The following VSIG10L2 variants were observed in gnomAD, a reference collection of about 807,000 sequenced individuals.
VSIG10L2 encodes the protein V-set and immunoglobulin domain containing 10 like 2.
Under a neutral mutation model 67.1 loss-of-function variants are expected in VSIG10L2, and 56 were observed. That is an observed-to-expected ratio of 0.83 (90% CI 0.67 to 1.04). VSIG10L2 has a LOEUF of 1.04. Ranked by LOEUF, VSIG10L2 falls within the 50% of genes least tolerant of loss-of-function variation. The pLI, the probability that VSIG10L2 is intolerant of heterozygous loss-of-function variation, is 0.00. For synonymous variants in VSIG10L2, 360 were observed against 396.6 expected, an observed-to-expected ratio of 0.91 and a Z score of 1.10; for missense variants, 843 against 932.8, an observed-to-expected ratio of 0.90 and a Z score of 1.25.
In VSIG10L2 at chr11:125,956,226, G is replaced by A. The variant is rs895002486; in HGVS notation, c.*312G>A. The A allele has an allele frequency of 1.3e-5, 7 of 540,292 alleles. No homozygotes were observed. Among genetic ancestry groups the A allele is most frequent in the African/African-American group, 1.1e-4 (6 of 53,158 alleles). 33.5% of individuals were successfully genotyped at this position (540,292 alleles called of 1,614,324 possible). A position where few individuals can be genotyped will look rare whatever the true frequency, so the allele number is the denominator to read the frequency against. On this transcript the variant is annotated 3_prime_UTR_variant, in exon 12 of 12. Coordinates refer to ENST00000686984, the MANE Select transcript of VSIG10L2 (RefSeq NM_001365077.2). Reference sequence around the variant, plus strand: ...GCCATGGTACTGGGAAGGATCTGTGGTGCTATAGAAGTATGAGCAAGCTAG... The same window carrying A: ...GCCATGGTACTGGGAAGGATCTGTGATGCTATAGAAGTATGAGCAAGCTAG...
chr11:125,954,657 G>T (rs960147586), intron 8 of VSIG10L2, among the ~76,000 whole-genome samples: 5 of 152,144 alleles, frequency 3.3e-5, no homozygotes, highest in Non-Finnish European at 5.9e-5. Context: ...AAAGGTGCTG[G>T]TGACTAAGAA....
At position 125,946,252 on chromosome 11, in the gene VSIG10L2, T is replaced by C. The variant is rs1310586481; in HGVS notation, c.82+115T>C. 3.8e-5 allele frequency: 15 copies of C among 397,272 alleles called. No individual in the cohort carries two copies. In the East Asian group the frequency reaches 5.4e-4, roughly 14 times the overall value. The allele number at this position is 397,272 out of a possible 1,614,324, so 24.6% of individuals were successfully genotyped here. On this transcript the variant is annotated intron_variant, in intron 1 of 11. Coordinates refer to ENST00000686984, the MANE Select transcript of VSIG10L2 (RefSeq NM_001365077.2). This position sits in a 1 kb window ranked among gnomAD's most constrained non-coding sequence, Gnocchi z 4.4. ...CCATTCCATGAAGTCCGTTCAGTCA[T>C]TCATCGGCTAGACATTTAACTAGCG...
At chr11:125,953,774 CA>C (rs1172556213) in intron 7 of VSIG10L2, 84 bp downstream of exon 7, 1 of 1,199,132 alleles carries the variant, frequency 8.3e-7, no homozygotes. Flanking sequence ...TGGAAAGGCA[CA>C]AGGATTCCCT....
At chr11:125,954,545 A>C (rs1945425067) in intron 8 of VSIG10L2, among the ~76,000 whole-genome samples, 162 bp downstream of exon 8, 1 of 151,876 alleles carries the variant, frequency 6.6e-6, no homozygotes, top group African/African-American at 2.4e-5. Context: ...CTCCCCTCAG[A>C]TAATCTCCAC....
rs184435677 is a variant in VSIG10L2 at position 125,955,625 on chromosome 11, C to T, written c.2242C>T (p.His748Tyr). 2 of 1,530,794 alleles carry T rather than the reference C, an allele frequency of 1.3e-6. No homozygotes were observed. The highest frequency in any genetic ancestry group is 1.4e-5 in the African/African-American group (1 of 73,082). 94.8% of individuals were successfully genotyped at this position (1,530,794 alleles called of 1,614,324 possible). Residue 748 changes from histidine (H) to tyrosine (Y), a missense_variant, in exon 11 of 12, where the codon CAC becomes TAC. By Grantham distance (83) the His-to-Tyr change is moderately conservative. Around this residue, in one of 2 missense-constraint regions of VSIG10L2, gnomAD observed 397 missense variants for 384.4 expected, o/e 1.03. Coordinates refer to ENST00000686984, the MANE Select transcript of VSIG10L2 (RefSeq NM_001365077.2). ...GQLLVPTEQR[H>Y]QQRGSREDAE... ...CCACTTCACTCTCAGGGAGCAAAGG[C>T]ACCAACAGAGGGGTTCCAGAGAAGA...
Position 125,955,084 on chromosome 11 carries a change from C to A in VSIG10L2, c.2111C>A (p.Ala704Glu), listed in dbSNP as rs369831682. ...GACCCCCCCTTCAGCGCCTACCCAG[C>A]GGTGTTGGGTGCAGCAGGCACGGGA... Reference protein sequence around the residue: ...PADPPFSAYPAVLGAAGTGMV... With the variant: ...PADPPFSAYPEVLGAAGTGMV... Residue 704 changes from alanine (A) to glutamate (E), a missense_variant, in exon 9 of 12, where the codon GCG becomes GAG. By Grantham distance (107) the Ala-to-Glu change is moderately radical. This residue lies in a region of VSIG10L2 where 397 missense variants were observed against 384.4 expected (regional missense o/e 1.03). Transcript: ENST00000686984. 8.2e-5 allele frequency: 101 copies of A among 1,236,778 alleles called. 1 individual carries two copies. The African/African-American group carries it at 1.4e-3, about 17-fold the overall frequency. 76.6% of individuals were successfully genotyped at this position (1,236,778 alleles called of 1,614,324 possible). A position where few individuals can be genotyped will look rare whatever the true frequency, so the allele number is the denominator to read the frequency against.
intron 2 of VSIG10L2, 66 bp from the exon 3 acceptor site, chr11:125,948,239 G>A (rs1415448161): frequency 8.9e-6 from 11 of 1,231,828 alleles, no homozygotes; most frequent in African/African-American, 4.7e-5. Context: ...GGGTGGGGGC[G>A]CTGGACACAG....
chr11:125,954,946 C>A, intron 8 of VSIG10L2, 111 bp from the exon 9 acceptor site: 1 of 1,128,576 alleles, frequency 8.9e-7, no homozygotes, highest in Non-Finnish European at 1.1e-6. Flanking sequence ...GCAGGGGGAA[C>A]TGGATGAGCA....
Position 125,948,589 on chromosome 11 carries a change from G to A in VSIG10L2, c.709+9G>A. ...CTTCCTGGACGTCATTTGTGAGTCA[G>A]ACTGTGGTGGGGGGGCTGTCAGGGC... On this transcript the variant is annotated intron_variant, in intron 3 of 11. Coordinates refer to ENST00000686984, the MANE Select transcript of VSIG10L2 (RefSeq NM_001365077.2). 1 of 1,232,236 alleles carries A rather than the reference G, an allele frequency of 8.1e-7. No individual in the cohort carries two copies. Among genetic ancestry groups the A allele is most frequent in the Non-Finnish European group, 1.0e-6 (1 of 988,146 alleles). The allele number at this position is 1,232,236 out of a possible 1,614,324, so 76.3% of individuals were successfully genotyped here.
chr11:125,954,069 G>C lies in VSIG10L2; in HGVS notation c.1787-18G>C, dbSNP rs947499978. 2.4e-5 allele frequency: 30 copies of C among 1,232,072 alleles called. No individual in the cohort carries two copies. The African/African-American group carries it at 4.7e-4, about 19-fold the overall frequency. 76.3% of individuals were successfully genotyped at this position (1,232,072 alleles called of 1,614,324 possible). On this transcript the variant is annotated intron_variant, in intron 7 of 11. Coordinates refer to ENST00000686984, the MANE Select transcript of VSIG10L2 (RefSeq NM_001365077.2). The stretch of plus-strand genomic sequence containing the variant: ...TGTAGGTATACATGTCCCTTGTTTT[G>C]TCCCCACCCTCACCCAGGATATCCA...
chr11:125,949,891 G>A, intron 3 of VSIG10L2, 123 bp from the exon 4 acceptor site: 1 of 1,022,388 alleles, frequency 9.8e-7, no homozygotes, highest in Non-Finnish European at 1.3e-6. Flanking sequence ...CCTAGCCTTG[G>A]GGTGGACACG....
intron 1 of VSIG10L2, among the ~76,000 whole-genome samples, chr11:125,947,067 C>T (rs115373160): frequency 1.6e-3 from 242 of 152,224 alleles, no homozygotes; most frequent in African/African-American, 5.5e-3. Context: ...GGGTGGGGGG[C>T]TCATTTGTCC....
Position 125,953,573 on chromosome 11 carries a change from G to T in VSIG10L2, c.1669G>T (p.Ala557Ser). Reference sequence around the variant, plus strand: ...AGGATTCATGCTGCACCCTGAGGGTGCCCAGCTGCGCCTGGGCATCTACGA... The same window carrying T: ...AGGATTCATGCTGCACCCTGAGGGTTCCCAGCTGCGCCTGGGCATCTACGA... Reference protein sequence around the residue: ...TSGFMLHPEGAQLRLGIYDAD... With the variant: ...TSGFMLHPEGSQLRLGIYDAD... The change falls in exon 7 of 12, where the codon GCC becomes TCC. Residue 557 changes from alanine to serine, a missense_variant. Ala to Ser is a moderately conservative substitution (Grantham distance 99). This residue lies in a region of VSIG10L2 where 397 missense variants were observed against 384.4 expected (regional missense o/e 1.03). Coordinates refer to ENST00000686984, the MANE Select transcript of VSIG10L2 (RefSeq NM_001365077.2). The T allele has an allele frequency of 8.1e-7, 1 of 1,232,208 alleles. No homozygotes were observed. The allele number at this position is 1,232,208 out of a possible 1,614,324, so 76.3% of individuals were successfully genotyped here.
In VSIG10L2 at chr11:125,952,012, G is replaced by T. The variant is rs937611449; in HGVS notation, c.1434G>T (p.Glu478Asp). ...LQAQEDLAGREFTCRGTHLLR... is the reference protein window; with the variant it reads ...LQAQEDLAGRDFTCRGTHLLR... ...CCCAAGAAGATCTGGCTGGCAGAGAGTTCACCTGCCGGGGCACTCACCTGC... is the reference window on the plus strand; with the variant it reads ...CCCAAGAAGATCTGGCTGGCAGAGATTTCACCTGCCGGGGCACTCACCTGC... Residue 478 changes from glutamate (E) to aspartate (D), a missense_variant, in exon 6 of 12, where the codon GAG (glutamate) becomes GAT (aspartate). Glu to Asp is a conservative substitution (Grantham distance 45). This residue lies in a region of VSIG10L2 where 397 missense variants were observed against 384.4 expected (regional missense o/e 1.03). Coordinates refer to ENST00000686984, the MANE Select transcript of VSIG10L2 (RefSeq NM_001365077.2). The T allele has an allele frequency of 2.0e-6, 3 of 1,536,038 alleles. No homozygotes were observed. In the Admixed American group the frequency reaches 5.9e-5, roughly 30 times the overall value.
chr11:125,948,519 G>A lies in VSIG10L2; in HGVS notation c.648G>A (p.Met216Ile). ...ACCGGACACACCTAGGGTGGTACAT[G>A]TGCAGCGCCAGCAACTCCGTGAACA... ...PVNRTHLGWY[M>I]CSASNSVNRL... The change falls in exon 3 of 12, where the codon ATG becomes ATA. Residue 216 changes from methionine (M) to isoleucine (I), a missense_variant. By Grantham distance (10) the Met-to-Ile change is conservative. Transcript: ENST00000686984. 1 of 1,232,228 alleles carries A rather than the reference G, an allele frequency of 8.1e-7. No individual in the cohort carries two copies. The highest frequency in any genetic ancestry group is 1.0e-6 in the Non-Finnish European group (1 of 988,014). 76.3% of individuals were successfully genotyped at this position (1,232,228 alleles called of 1,614,324 possible).
rs777833290 is a variant in VSIG10L2, at chr11:125,955,958, G to A, written c.*44G>A. ...CAAATAGGCTTAGGGAGGGCAGGTG[G>A]GATTTGGGAAGAGCCCTTCTGTCAG... On this transcript the variant is annotated 3_prime_UTR_variant, in exon 12 of 12. Transcript: ENST00000686984. 141 of 636,624 alleles carry A rather than the reference G, an allele frequency of 2.2e-4. No individual in the cohort carries two copies. The highest frequency in any genetic ancestry group is 3.6e-4 in the Non-Finnish European group (128 of 355,298). The allele number at this position is 636,624 out of a possible 1,614,324, so 39.4% of individuals were successfully genotyped here.
chr11:125,951,896 G>A lies in VSIG10L2; in HGVS notation c.1318G>A (p.Gly440Ser), dbSNP rs1945378256. The A allele has an allele frequency of 6.5e-6, 10 of 1,535,154 alleles. No individual in the cohort carries two copies. The highest frequency in any genetic ancestry group is 4.8e-5 in the South Asian group (4 of 83,974). ...FIMLSCEWPG[G>S]EPPATLGWLD... is the part of the protein sequence containing the mutation. ...CATGCTGAGCTGCGAGTGGCCTGGC[G>A]GCGAGCCCCCTGCCACGCTGGGCTG... The change falls in exon 6 of 12, where the codon GGC (glycine) becomes AGC (serine). Residue 440 changes from glycine to serine, a missense_variant. By Grantham distance (56) the Gly-to-Ser change is moderately conservative. Coordinates refer to ENST00000686984, the MANE Select transcript of VSIG10L2 (RefSeq NM_001365077.2).
Position 125,955,833 on chromosome 11 carries a change from C to T in VSIG10L2, c.2301C>T (p.Thr767=). The change falls in exon 12 of 12, where the codon ACC becomes ACT. Residue 767 remains threonine, a synonymous_variant. Transcript: ENST00000686984. ...TCTTCATAGGCCTTGAAACACCAAC[C>T]ACCACCCCAGGTTTGGATCCTGCAC... The part of the protein sequence containing the change: ...AEAPAGLETP[T]TTPGLDPAQE... 1 of 720,112 alleles carries T rather than the reference C, an allele frequency of 1.4e-6. No homozygotes were observed. Among genetic ancestry groups the T allele is most frequent in the South Asian group, 1.5e-5 (1 of 66,658 alleles). The allele number at this position is 720,112 out of a possible 1,614,324, so 44.6% of individuals were successfully genotyped here.
rs1945322110 is a variant in VSIG10L2 at position 125,948,339 on chromosome 11, C to A, written c.468C>A (p.Asn156Lys). The change falls in exon 3 of 12, where the codon AAC becomes AAA. Residue 156 changes from asparagine to lysine, a missense_variant. Asn to Lys is a moderately conservative substitution (Grantham distance 94). Coordinates refer to ENST00000686984, the MANE Select transcript of VSIG10L2 (RefSeq NM_001365077.2). ...CCAAGCCTCAAGTGCGACTGAGTAA[C>A]CCGTCCCCTGTGGAGGGAGCCTCCG... ...PVSKPQVRLS[N>K]PSPVEGASVV... 2.4e-6 allele frequency: 3 copies of A among 1,232,612 alleles called. No homozygotes were observed. Among genetic ancestry groups the A allele is most frequent in the Non-Finnish European group, 3.0e-6 (3 of 988,350 alleles). The allele number at this position is 1,232,612 out of a possible 1,614,324, so 76.4% of individuals were successfully genotyped here. A position where few individuals can be genotyped will look rare whatever the true frequency, so the allele number is the denominator to read the frequency against.
Sources: gnomAD v4.1 joint callset for allele counts (sites outside exome capture counted in the v4.1 genomes callset) on GRCh38, gnomAD v4.1.1 for gene constraint, gnomAD v4.1.1 regional missense constraint, Gnocchi (gnomAD v3.1) non-coding constraint, MANE v1.5 for transcripts, NCBI Gene and HGNC (gene_info 2026-07-23, HGNC 2026-07-21) for gene names.